Variants in PM20D1 observed in about 807,000 individuals in gnomAD.
PM20D1 encodes the protein peptidase M20 domain containing 1, also known as N-fatty-acyl-amino acid synthase/hydrolase PM20D1.
Under a neutral mutation model 53.8 loss-of-function variants are expected in PM20D1, and 53 were observed. The ratio of observed to expected loss-of-function variants is 0.98; its 90% confidence interval spans 0.79 to 1.24. PM20D1 has a LOEUF of 1.24. Among genes scored for constraint, PM20D1 ranks in the 50% most tolerant of loss-of-function variants. PM20D1 has a pLI of 0.00. For missense variants in PM20D1, 564 were observed against 616.8 expected (o/e 0.91, Z 0.91); for synonymous variants, 239 against 241.3 (o/e 0.99, Z 0.09).
chr1:205,845,432 C>T lies in PM20D1; in HGVS notation c.382G>A (p.Val128Met), dbSNP rs542166943. The change falls in exon 3 of 13, where the codon GTG becomes ATG. Residue 128 changes from valine to methionine, a missense_variant. Transcript: ENST00000367136. ...QPYLLMAHFDVVPAPEEGWEV... is the reference protein window; with the variant it reads ...QPYLLMAHFDMVPAPEEGWEV... ...CAGCCTTCTTCAGGGGCAGGCACCACATCAAAGTGAGCCATCAGCAGGTAG... is the reference window on the plus strand; with the variant it reads ...CAGCCTTCTTCAGGGGCAGGCACCATATCAAAGTGAGCCATCAGCAGGTAG... 6 of 1,614,222 alleles carry T rather than the reference C, an allele frequency of 3.7e-6. No individual in the cohort carries two copies. The highest frequency in any genetic ancestry group is 2.2e-5 in the South Asian group (2 of 91,086).
At chr1:205,834,942 A>G (rs560777359) in intron 10 of PM20D1, among the ~76,000 whole-genome samples, 2 of 152,378 alleles carry the variant, frequency 1.3e-5, no homozygotes, top group East Asian at 1.9e-4. Context: ...AAGTCATGCA[A>G]TAAATCTTGG....
At chr1:205,837,480 A>C (rs1476929950) in intron 10 of PM20D1, among the ~76,000 whole-genome samples, 1 of 152,122 alleles carries the variant, frequency 6.6e-6, no homozygotes, top group Non-Finnish European at 1.5e-5. Flanking sequence ...CTGGAGACCT[A>C]TCTACAACTG....
chr1:205,833,791 A>T (rs772325069), intron 10 of PM20D1, among the ~76,000 whole-genome samples: 2 of 152,054 alleles, frequency 1.3e-5, no homozygotes, highest in Non-Finnish European at 2.9e-5. Flanking sequence ...TGCTCTAGAA[A>T]GGGGGGGTTG....
At chr1:205,849,609 A>T (rs1267801233) in intron 1 of PM20D1, among the ~76,000 whole-genome samples, 3 of 152,104 alleles carry the variant, frequency 2.0e-5, no homozygotes, top group African/African-American at 7.2e-5. Flanking sequence ...CTGGTGTAAT[A>T]CTCGAGGCAA....
At chr1:205,839,130 T>C (rs992114869) in intron 10 of PM20D1, among the ~76,000 whole-genome samples, 3 of 152,212 alleles carry the variant, frequency 2.0e-5, no homozygotes, top group African/African-American at 4.8e-5. Flanking sequence ...CAGCATAGCA[T>C]ACAAGGCCTA....
chr1:205,844,536 C>A (rs1481366366), intron 4 of PM20D1, among the ~76,000 whole-genome samples: 1 of 152,048 alleles, frequency 6.6e-6, no homozygotes, highest in South Asian at 2.1e-4. Flanking sequence ...TTTTCCATCA[C>A]ACGTATGTTT....
At chr1:205,840,121 T>C (rs1428435951) in intron 10 of PM20D1, 131 bp downstream of exon 10, 2 of 671,920 alleles carry the variant, frequency 3.0e-6, no homozygotes, top group East Asian at 3.0e-5. Context: ...GGTGCATAGG[T>C]TGTCTTTGAA....
chr1:205,828,695 T>G lies in PM20D1; in HGVS notation c.1434A>C (p.Gln478His), dbSNP rs774421828. 2 of 1,614,140 alleles carry G rather than the reference T, an allele frequency of 1.2e-6. No individual in the cohort carries two copies. The highest frequency in any genetic ancestry group is 1.7e-6 in the Non-Finnish European group (2 of 1,180,014). ...EKISVQAYET[Q>H]VKFIFELIQN... Reference sequence around the variant, plus strand: ...GAATCAACTCAAAGATGAATTTCACTTGGGTCTCATAGGCTTGGACTGAGA... The same window carrying G: ...GAATCAACTCAAAGATGAATTTCACGTGGGTCTCATAGGCTTGGACTGAGA... Residue 478 changes from glutamine (Q) to histidine (H), a missense_variant, in exon 13 of 13, where the codon CAA becomes CAC. By Grantham distance (24) the Gln-to-His change is conservative. Transcript: ENST00000367136.
chr1:205,834,234 C>T (rs1054650587), intron 10 of PM20D1, among the ~76,000 whole-genome samples: 2 of 150,816 alleles, frequency 1.3e-5, no homozygotes, highest in Non-Finnish European at 2.9e-5. Flanking sequence ...CGGCTCACTG[C>T]GATCTCTGCC....
intron 3 of PM20D1, 88 bp downstream of exon 3, chr1:205,845,237 T>C: frequency 1.5e-6 from 2 of 1,323,520 alleles, no homozygotes; most frequent in Non-Finnish European, 2.1e-6. Flanking sequence ...CTTTTTACCA[T>C]TATCTCCCAC....
chr1:205,836,596 C>A (rs1656692717), intron 10 of PM20D1, among the ~76,000 whole-genome samples: 1 of 152,192 alleles, frequency 6.6e-6, no homozygotes, highest in South Asian at 2.1e-4. Context: ...TAACTTCCAA[C>A]TTCTGGGATC....
rs530873424 is a variant in PM20D1 at position 205,839,568 on chromosome 1, G to T, written c.1116+684C>A. Among the ~76,000 whole-genome samples the T allele has an allele frequency of 6.8e-4, 103 of 152,110 alleles. 1 individual carries two copies. The highest frequency in any genetic ancestry group is 2.4e-3 in the African/African-American group (99 of 41,490). On this transcript the variant is annotated intron_variant, in intron 10 of 12. Coordinates refer to ENST00000367136, the MANE Select transcript of PM20D1 (RefSeq NM_152491.5). ...CCTTAGAAAGGTGCCAAATATGGCT[G>T]GGTGTGGTGGCTCATGTCTGTAATC...
At chr1:205,837,131 C>T (rs1351262869) in intron 10 of PM20D1, among the ~76,000 whole-genome samples, 1 of 152,220 alleles carries the variant, frequency 6.6e-6, no homozygotes. Context: ...AGAATGTAAA[C>T]ACCATTAGAA....
rs1447500984 is a variant in PM20D1 at position 205,844,795 on chromosome 1, G to A, written c.576+16C>T. The A allele has an allele frequency of 8.1e-6, 13 of 1,608,558 alleles. No homozygotes were observed. Among genetic ancestry groups the A allele is most frequent in the African/African-American group, 1.3e-5 (1 of 74,782 alleles). ...CAACAGAGGACAGAGATAGGTATAAGGTGAGGAGGCTCTACCTCCTCATCA... is the reference window on the plus strand; with the variant it reads ...CAACAGAGGACAGAGATAGGTATAAAGTGAGGAGGCTCTACCTCCTCATCA... On this transcript the variant is annotated intron_variant, in intron 4 of 12. Coordinates refer to ENST00000367136, the MANE Select transcript of PM20D1 (RefSeq NM_152491.5).
At chr1:205,845,599 G>A in intron 2 of PM20D1, 42 bp from the exon 3 acceptor site, 1 of 1,517,782 alleles carries the variant, frequency 6.6e-7, no homozygotes, top group Non-Finnish European at 9.1e-7. Flanking sequence ...AGGGTTAACA[G>A]TTTCCTTAGG....
At chr1:205,841,748 C>T in intron 9 of PM20D1, 63 bp downstream of exon 9, 1 of 1,440,370 alleles carries the variant, frequency 6.9e-7, no homozygotes, top group South Asian at 1.2e-5. Context: ...TAGATAGATT[C>T]AAGGAAGGGA....
rs373205874 is a variant in PM20D1, at chr1:205,845,341, T to C, written c.473A>G (p.Asp158Gly). 7 of 1,613,672 alleles carry C rather than the reference T, an allele frequency of 4.3e-6. No homozygotes were observed. In the African/African-American group the frequency reaches 8.0e-5, roughly 18 times the overall value. ...GIIYGRGTLD[D>G]KNSVMALLQA... ...ATCTCAGACCATCACAGAGTTCTTG[T>C]CGTCCAGTGTGCCCCGACCATAGAT... is the stretch of plus-strand genomic sequence containing the variant. The change falls in exon 3 of 13, where the codon GAC becomes GGC. Residue 158 changes from aspartate to glycine, a missense_variant. Transcript: ENST00000367136.
At chr1:205,844,647 G>A (rs1656901690) in intron 4 of PM20D1, among the ~76,000 whole-genome samples, 164 bp downstream of exon 4, 1 of 152,188 alleles carries the variant, frequency 6.6e-6, no homozygotes, top group South Asian at 2.1e-4. Context: ...TCTGAATTTT[G>A]GTCAAGGTCC....
chr1:205,840,241 A>G lies in PM20D1; in HGVS notation c.1116+11T>C. ...CTGCATGAGTTGTTGTCTGGAACATATGGTACATACCTCTTGGACTGTCTG... is the reference window on the plus strand; with the variant it reads ...CTGCATGAGTTGTTGTCTGGAACATGTGGTACATACCTCTTGGACTGTCTG... On this transcript the variant is annotated intron_variant, in intron 10 of 12. Transcript: ENST00000367136. 37 of 1,609,660 alleles carry G rather than the reference A, an allele frequency of 2.3e-5. No individual in the cohort carries two copies. Among genetic ancestry groups the G allele is most frequent in the South Asian group, 3.3e-5 (3 of 90,288 alleles).
Sources: gnomAD v4.1 joint callset for allele counts (sites outside exome capture counted in the v4.1 genomes callset) on GRCh38, gnomAD v4.1.1 for gene constraint, MANE v1.5 for transcripts, NCBI Gene and HGNC (gene_info 2026-07-23, HGNC 2026-07-21) for gene names.